The following TAAR1 variants were observed in gnomAD, a reference collection of about 807,000 sequenced individuals.
TAAR1 encodes trace amine-associated receptor 1.
A neutral mutation model predicts 1.2 loss-of-function variants in TAAR1; 1 was observed. The observed-to-expected ratio is 0.81, with a 90% confidence interval of 0.29 to 3.86. The LOEUF (loss-of-function observed/expected upper bound fraction) is 3.86. Ranked by LOEUF, TAAR1 falls within the 30% of genes most tolerant of loss-of-function variation. The pLI is 0.18. For missense variants in TAAR1, 445 were observed against 405.6 expected (o/e 1.10, Z -0.83); for synonymous variants, 153 against 132.2 (o/e 1.16, Z -1.08).
At chr6:132,655,144 G>C (rs1404678923) in intron 1 of TAAR1, among the ~76,000 whole-genome samples, 1 of 152,082 alleles carries the variant, frequency 6.6e-6, no homozygotes, top group Admixed American at 6.5e-5. Flanking sequence ...TACTATAGAA[G>C]CAGGAAAGTA....
chr6:132,653,507 C>T (rs1403539580), intron 1 of TAAR1, among the ~76,000 whole-genome samples: 1 of 152,190 alleles, frequency 6.6e-6, no homozygotes, highest in African/African-American at 2.4e-5. Context: ...TGTTTTTCTT[C>T]TGTCTGGTAA....
Position 132,643,690 on chromosome 6 carries a change from A to G in TAAR1, c.*1294T>C, listed in dbSNP as rs1462716040. Among the ~76,000 whole-genome samples the G allele has an allele frequency of 6.6e-6, 1 of 151,946 alleles. No individual in the cohort carries two copies. The highest frequency in any genetic ancestry group is 1.5e-5 in the Non-Finnish European group (1 of 67,896). Reference sequence around the variant, plus strand: ...TATTCATGAGCAGAAGGTAAATCCAAATCCCCAGTGATACTCAATCTGAAA... The same window carrying G: ...TATTCATGAGCAGAAGGTAAATCCAGATCCCCAGTGATACTCAATCTGAAA... On this transcript the variant is annotated 3_prime_UTR_variant, in exon 2 of 2. Coordinates refer to ENST00000275216, the MANE Select transcript of TAAR1 (RefSeq NM_138327.4).
In TAAR1 at chr6:132,645,504, C is replaced by T. The variant is rs538751400; in HGVS notation, c.500G>A (p.Gly167Asp). 14 of 1,613,732 alleles carry T rather than the reference C, an allele frequency of 8.7e-6. No homozygotes were observed. The East Asian group carries it at 3.1e-4, about 36-fold the overall frequency. ...ATGTTTGTAATATATCTCTTCAGCG[C>T]CTTTGAAGTTTAGCTCCAGAAAGAT... ...GMIFLELNFKGAEEIYYKHVH... is the reference protein window; with the variant it reads ...GMIFLELNFKDAEEIYYKHVH... Residue 167 changes from glycine (G) to aspartate (D), a missense_variant, in exon 2 of 2, where the codon GGC becomes GAC. Gly to Asp is a moderately conservative substitution (Grantham distance 94). Coordinates refer to ENST00000275216, the MANE Select transcript of TAAR1 (RefSeq NM_138327.4).
At chr6:132,647,508 G>A (rs1777689129) in intron 1 of TAAR1, among the ~76,000 whole-genome samples, 2 of 147,874 alleles carry the variant, frequency 1.4e-5, no homozygotes. Flanking sequence ...AAGGAAGGGA[G>A]GGAGGGAGGA....
intron 1 of TAAR1, among the ~76,000 whole-genome samples, chr6:132,653,999 G>A (rs1462945704): frequency 6.6e-6 from 1 of 152,122 alleles, no homozygotes; most frequent in Non-Finnish European, 1.5e-5. Flanking sequence ...ATAAATGCTA[G>A]GTGAATCCCT....
chr6:132,643,623 G>A lies in TAAR1; in HGVS notation c.*1361C>T, dbSNP rs1485306902. Among the ~76,000 whole-genome samples, 2 of 151,952 alleles carry A rather than the reference G, an allele frequency of 1.3e-5. No homozygotes were observed. Among genetic ancestry groups the A allele is most frequent in the Non-Finnish European group, 2.9e-5 (2 of 67,918 alleles). ...TAAACAGAAATTTATACGCAGCAGT[G>A]TGCATTTAGTTACGTTTAAAATCAT... On this transcript the variant is annotated 3_prime_UTR_variant, in exon 2 of 2. Coordinates refer to ENST00000275216, the MANE Select transcript of TAAR1 (RefSeq NM_138327.4).
chr6:132,654,686 G>C (rs1163399603), intron 1 of TAAR1, among the ~76,000 whole-genome samples: 2 of 152,146 alleles, frequency 1.3e-5, no homozygotes, highest in South Asian at 2.1e-4. Context: ...TACTTGCAGA[G>C]AGGTGTAAGA....
intron 1 of TAAR1, among the ~76,000 whole-genome samples, chr6:132,648,646 T>C (rs1473972721): frequency 6.6e-6 from 1 of 152,218 alleles, no homozygotes; most frequent in Non-Finnish European, 1.5e-5. Flanking sequence ...TTAAACATCA[T>C]TGTATGAGTG....
chr6:132,650,780 C>A (rs1777740827), intron 1 of TAAR1, among the ~76,000 whole-genome samples: 1 of 152,150 alleles, frequency 6.6e-6, no homozygotes, highest in Non-Finnish European at 1.5e-5. Context: ...ATGCCTATTC[C>A]AAGATATACC....
intron 1 of TAAR1, among the ~76,000 whole-genome samples, chr6:132,650,170 C>A (rs1777734973): frequency 6.6e-6 from 1 of 152,162 alleles, no homozygotes; most frequent in African/African-American, 2.4e-5. Context: ...CATGTGCTTC[C>A]TTTCCAACAA....
chr6:132,653,160 C>T (rs1223714408), intron 1 of TAAR1, among the ~76,000 whole-genome samples: 2 of 152,146 alleles, frequency 1.3e-5, no homozygotes, highest in East Asian at 3.9e-4. Flanking sequence ...TCAAGATCTT[C>T]TGCTCCTTCC....
Position 132,645,938 on chromosome 6 carries a change from G to A in TAAR1, c.66C>T (p.Val22=). 1 of 1,612,662 alleles carries A rather than the reference G, an allele frequency of 6.2e-7. No homozygotes were observed. The highest frequency in any genetic ancestry group is 1.1e-5 in the South Asian group (1 of 90,774). ...SCVKNNWSND[V]RASLYSLMVL... is the part of the protein sequence containing the mutation. Reference sequence around the variant, plus strand: ...CCATTAAACTGTACAGGGAAGCACGGACATCATTTGACCAGTTGTTTTTCA... The same window carrying A: ...CCATTAAACTGTACAGGGAAGCACGAACATCATTTGACCAGTTGTTTTTCA... The change falls in exon 2 of 2, where the codon GTC becomes GTT. Residue 22 remains valine (V), a synonymous_variant. Coordinates refer to ENST00000275216, the MANE Select transcript of TAAR1 (RefSeq NM_138327.4).
At chr6:132,650,111 G>C (rs1777734443) in intron 1 of TAAR1, among the ~76,000 whole-genome samples, 1 of 152,104 alleles carries the variant, frequency 6.6e-6, no homozygotes, top group African/African-American at 2.4e-5. Context: ...TCAATGACAA[G>C]AGTCATCCAA....
chr6:132,648,408 A>G (rs1777711338), intron 1 of TAAR1, among the ~76,000 whole-genome samples: 1 of 152,198 alleles, frequency 6.6e-6, no homozygotes, highest in Non-Finnish European at 1.5e-5. Flanking sequence ...GCAAAATACA[A>G]ATTTCACTTT....
intron 1 of TAAR1, among the ~76,000 whole-genome samples, chr6:132,655,148 G>A (rs977220729): frequency 1.1e-4 from 16 of 152,190 alleles, no homozygotes; most frequent in East Asian, 5.8e-4. Flanking sequence ...ATAGAAGCAG[G>A]AAAGTAAGAA....
Position 132,656,089 on chromosome 6 carries a change from G to C in TAAR1, c.-127+3041C>G, listed in dbSNP as rs112665093. Among the ~76,000 whole-genome samples, 1,180 of 152,154 alleles carry C rather than the reference G, an allele frequency of 7.8e-3. 15 individuals are homozygous for C. Among genetic ancestry groups the C allele is most frequent in the African/African-American group, 0.027 (1,102 of 41,508 alleles). On this transcript the variant is annotated intron_variant, in intron 1 of 1. Transcript: ENST00000275216. ...AGCTGTTTGGTTCAAGTCCTGGCTG[G>C]GCCATTCACTGGTCCTGTGACCTTG...
Position 132,645,274 on chromosome 6 carries a change from T to G in TAAR1, c.730A>C (p.Ser244Arg). 6.2e-7 allele frequency: 1 copy of G among 1,613,768 alleles called. No homozygotes were observed. ...GLEMKNGISQ[S>R]KERKAVKTLG... is the part of the protein sequence containing the mutation. The stretch of plus-strand genomic sequence containing the variant: ...GTCTTCACAGCTTTCCTTTCTTTGC[T>G]TTGTGAAATTCCATTTTTCATTTCC... Residue 244 changes from serine to arginine, a missense_variant, in exon 2 of 2, where the codon AGC becomes CGC. Physicochemically the swap from Ser to Arg is moderately radical, Grantham distance 110 (BLOSUM62 -1). Coordinates refer to ENST00000275216, the MANE Select transcript of TAAR1 (RefSeq NM_138327.4).
intron 1 of TAAR1, among the ~76,000 whole-genome samples, chr6:132,649,778 G>T (rs1223853147): frequency 1.3e-5 from 2 of 152,016 alleles, no homozygotes; most frequent in Non-Finnish European, 2.9e-5. Flanking sequence ...CTCCCACCAG[G>T]TCCCTTCCAT....
chr6:132,657,410 A>G (rs1400553218), intron 1 of TAAR1, among the ~76,000 whole-genome samples: 3 of 152,008 alleles, frequency 2.0e-5, no homozygotes, highest in Admixed American at 6.5e-5. Flanking sequence ...ATCAGTAGAC[A>G]TATGATATGT....
Sources: gnomAD v4.1 joint callset for allele counts (sites outside exome capture counted in the v4.1 genomes callset) on GRCh38, gnomAD v4.1.1 for gene constraint, MANE v1.5 for transcripts, NCBI Gene and HGNC (gene_info 2026-07-23, HGNC 2026-07-21) for gene names.